Variants in POLR2F observed in about 807,000 individuals in gnomAD.
POLR2F encodes the protein RNA polymerase II, I and III subunit F, also known as DNA-directed RNA polymerases I, II, and III subunit RPABC2.
In POLR2F, 12 loss-of-function variants were observed where a neutral mutation model predicts 22.7. The ratio of observed to expected loss-of-function variants is 0.53; its 90% CI spans 0.34 to 0.86. POLR2F has a LOEUF of 0.86. POLR2F is among the 40% of genes least tolerant of loss of function. The probability of loss-of-function intolerance (pLI) is 0.02; values close to 1 mark genes in which losing one functional copy is unlikely to be tolerated. For synonymous variants in POLR2F, 57 were observed against 66.0 expected, an observed-to-expected ratio of 0.86 and a Z score of 0.66; for missense variants, 126 against 171.5, an observed-to-expected ratio of 0.73 and a Z score of 1.48.
downstream of POLR2F, chr22:37,973,699 C>A (rs1932130073): frequency 6.2e-7 from 1 of 1,608,352 alleles, no homozygotes; most frequent in Non-Finnish European, 8.5e-7. Context: ...AGTAGTCAAA[C>A]TGGGGGCGGG....
upstream of POLR2F, chr22:37,983,813 T>C (rs761658024): frequency 2.1e-5 from 30 of 1,404,988 alleles, no homozygotes; most frequent in Middle Eastern, 7.6e-4. The surrounding 1 kb of genome is among the most constrained non-coding windows in gnomAD (Gnocchi z 9.5). Context: ...CGCCGCCGCC[T>C]CGGCCGCCTC....
chr22:37,990,895 C>T (rs1405904102), intron 1 of POLR2F, among the ~76,000 whole-genome samples: 1 of 152,212 alleles, frequency 6.6e-6, no homozygotes, highest in Admixed American at 6.5e-5. Context: ...AAGGTGATGC[C>T]TCGTGATGCC....
chr22:37,998,563 T>C (rs2084739066), intron 1 of POLR2F, among the ~76,000 whole-genome samples: 1 of 152,130 alleles, frequency 6.6e-6, no homozygotes, highest in Non-Finnish European at 1.5e-5. Flanking sequence ...TTCCAGGGGC[T>C]GTGGGCTGGA....
At chr22:37,991,394 C>T (rs1343680571) in intron 1 of POLR2F, among the ~76,000 whole-genome samples, 1 of 152,184 alleles carries the variant, frequency 6.6e-6, no homozygotes, top group Non-Finnish European at 1.5e-5. Flanking sequence ...GCTGGGATTA[C>T]AGGTGTGAGC....
At chr22:37,993,477 G>T (rs936094397) in intron 1 of POLR2F, among the ~76,000 whole-genome samples, 7 of 152,166 alleles carry the variant, frequency 4.6e-5, no homozygotes, top group African/African-American at 7.2e-5. Flanking sequence ...GAGCTTGAAG[G>T]ATCCTCCTCG....
chr22:37,958,391 T>G (rs1315526202), intron 2 of POLR2F: 2 of 150,034 alleles, frequency 1.3e-5, no homozygotes, highest in African/African-American at 4.9e-5. Context: ...AGTGACGGGG[T>G]TCACCGTGTT....
At chr22:37,990,251 C>A (rs1003498444) in intron 1 of POLR2F, among the ~76,000 whole-genome samples, 1 of 152,186 alleles carries the variant, frequency 6.6e-6, no homozygotes, top group African/African-American at 2.4e-5. Flanking sequence ...GGGGCTCTTG[C>A]CCCTCCCTGT....
Position 38,022,776 on chromosome 22 carries a change from G to C in POLR2F, c.121-3093G>C, listed in dbSNP as rs1446469178. Among the ~76,000 whole-genome samples, 8 of 152,290 alleles carry C rather than the reference G, an allele frequency of 5.3e-5. No homozygotes were observed. The East Asian group carries it at 1.5e-3, about 29-fold the overall frequency. On this transcript the variant is annotated intron_variant, in intron 1 of 2. Coordinates refer to the POLR2F transcript ENST00000333418. ...GCCTGTAATCCCAGCACTTTGGGAGGCTGAGGCAGGAGAATCACTTGAGGC... is the reference window on the plus strand; with the variant it reads ...GCCTGTAATCCCAGCACTTTGGGAGCCTGAGGCAGGAGAATCACTTGAGGC...
intron 1 of POLR2F, among the ~76,000 whole-genome samples, chr22:38,020,357 C>A (rs749849214): frequency 6.6e-6 from 1 of 151,836 alleles, no homozygotes. Flanking sequence ...CTCCTCCTCC[C>A]GGATTCAAGC....
chr22:38,033,369 C>G (rs1479539230), intron 5 of POLR2F, among the ~76,000 whole-genome samples: 1 of 152,152 alleles, frequency 6.6e-6, no homozygotes, highest in East Asian at 1.9e-4. Context: ...CTGCTAGGCT[C>G]TGGTAGAGCC....
Position 37,986,616 on chromosome 22 carries a change from C to T in POLR2F, c.120+304C>T, listed in dbSNP as rs1474693378. On this transcript the variant is annotated intron_variant, in intron 1 of 2. Transcript: ENST00000333418. The surrounding 1 kb of genome is among the most constrained non-coding windows in gnomAD (Gnocchi z 4.7). ...AGAAGGGGCCACTCCCTCTCTCTCT[C>T]CCTTGTCCCCGCACAGACACTGCCT... The T allele has an allele frequency of 7.0e-5, 47 of 675,178 alleles. No individual in the cohort carries two copies. The highest frequency in any genetic ancestry group is 6.2e-4 in the South Asian group (41 of 66,524). The allele number at this position is 675,178 out of a possible 1,614,324, so 41.8% of individuals were successfully genotyped here.
chr22:38,035,517 A>G (rs977123590), intron 5 of POLR2F, among the ~76,000 whole-genome samples: 1 of 151,858 alleles, frequency 6.6e-6, no homozygotes, highest in Non-Finnish European at 1.5e-5. Flanking sequence ...TTCATTTGCA[A>G]TCCCTCGGTC....
At position 37,960,460 on chromosome 22, in the gene POLR2F, C is replaced by T. The variant is rs546429292; in HGVS notation, c.221+984C>T. On this transcript the variant is annotated intron_variant, in intron 3 of 4. Transcript: ENST00000442738. ...TCACCCAGCCTGGAGTGCAGTGGCGCGTTCTCCGCTCACTGCAAGTGCTGC... is the reference window on the plus strand; with the variant it reads ...TCACCCAGCCTGGAGTGCAGTGGCGTGTTCTCCGCTCACTGCAAGTGCTGC... Among the ~76,000 whole-genome samples, 5 of 151,776 alleles carry T rather than the reference C, an allele frequency of 3.3e-5. No individual in the cohort carries two copies. In the South Asian group the frequency reaches 6.2e-4, roughly 19 times the overall value.
intron 2 of POLR2F, among the ~76,000 whole-genome samples, chr22:37,957,077 A>G (rs1931432947): frequency 6.6e-6 from 1 of 152,204 alleles, no homozygotes. Context: ...CAGTTAGTTC[A>G]CTGACAAGTT....
intron 5 of POLR2F, among the ~76,000 whole-genome samples, chr22:38,033,773 G>A (rs756489752): frequency 2.0e-5 from 3 of 152,280 alleles, no homozygotes; most frequent in Admixed American, 6.5e-5. Context: ...CCACGGCCCC[G>A]CTGCCTGCCC....
At chr22:37,957,804 C>T (rs1219246433) in intron 2 of POLR2F, among the ~76,000 whole-genome samples, 2 of 152,108 alleles carry the variant, frequency 1.3e-5, no homozygotes, top group African/African-American at 4.8e-5. Context: ...GGTTTTCCTG[C>T]TTCAGTCTCA....
rs1931945712 is a variant in POLR2F, at chr22:37,968,496, G to C, written c.*781G>C. 1 of 985,940 alleles carries C rather than the reference G, an allele frequency of 1.0e-6. No individual in the cohort carries two copies. The highest frequency in any genetic ancestry group is 1.7e-5 in the African/African-American group (1 of 57,236). The allele number at this position is 985,940 out of a possible 1,614,324, so 61.1% of individuals were successfully genotyped here. A position where few individuals can be genotyped will look rare whatever the true frequency, so the allele number is the denominator to read the frequency against. On this transcript the variant is annotated 3_prime_UTR_variant, in exon 5 of 5. Coordinates refer to ENST00000442738, the MANE Select transcript of POLR2F (RefSeq NM_021974.5). ...TGAGGCCTTGGGGACATGGTGCTGG[G>C]GTGGTGGTGCTCCTGGGTTCCAGGT...
intron 5 of POLR2F, among the ~76,000 whole-genome samples, chr22:38,039,539 C>G (rs879786943): frequency 7.9e-5 from 12 of 152,124 alleles, no homozygotes; most frequent in African/African-American, 1.4e-4. Flanking sequence ...GAGCCGGTGC[C>G]CGGGGGAGGG....
chr22:38,014,719 G>A (rs182944568), intron 1 of POLR2F, among the ~76,000 whole-genome samples: 146 of 151,374 alleles, frequency 9.6e-4, no homozygotes, highest in African/African-American at 3.4e-3. Context: ...TCTTGACCTC[G>A]TGATCTATCT....
Sources: allele counts gnomAD v4.1 joint callset (sites outside exome capture counted in the v4.1 genomes callset), GRCh38; gene constraint gnomAD v4.1.1; non-coding constraint Gnocchi (gnomAD v3.1); transcripts MANE v1.5; gene names NCBI Gene and HGNC (gene_info 2026-07-23, HGNC 2026-07-21).